ABCG1: variants seen among roughly 807,000 people sequenced by gnomAD.
ABCG1 encodes the protein ATP binding cassette subfamily G member 1, also known as ATP-binding cassette sub-family G member 1.
ABCG1 carries 29 observed loss-of-function variants against 69.2 expected under a neutral mutation model. The observed-to-expected ratio is 0.42, with a 90% CI of 0.31 to 0.57. ABCG1 has a LOEUF of 0.57. Among genes scored for constraint, ABCG1 ranks in the 20% least tolerant of loss-of-function variants. ABCG1 has a pLI of 0.15. For synonymous variants in ABCG1, 370 were observed against 374.8 expected (o/e 0.99, Z 0.15); for missense variants, 718 against 898.1 (o/e 0.80, Z 2.56).
At chr21:42,218,405 G>A (rs1338479044), upstream of ABCG1, among the ~76,000 whole-genome samples, 3 of 142,422 alleles carry the variant, frequency 2.1e-5, no homozygotes, top group Non-Finnish European at 4.4e-5. Flanking sequence ...GTGTGCCCTG[G>A]TGTTATTCCT....
chr21:42,202,637 G>C (rs1479174055), intron 2 of ABCG1, among the ~76,000 whole-genome samples: 1 of 149,482 alleles, frequency 6.7e-6, no homozygotes, highest in Non-Finnish European at 1.5e-5. Context: ...TTTGAGACAA[G>C]GTCTCGCTCT....
At chr21:42,274,147 C>T (rs2068667377) in intron 4 of ABCG1, among the ~76,000 whole-genome samples, 1 of 152,208 alleles carries the variant, frequency 6.6e-6, no homozygotes, top group African/African-American at 2.4e-5. Flanking sequence ...GCCTCAGTGT[C>T]CTCATCTGCA....
At position 42,225,663 on chromosome 21, in the gene ABCG1, T is replaced by A; in HGVS notation, c.43-8T>A. On this transcript the variant is annotated splice_region_variant and splice_polypyrimidine_tract_variant and intron_variant, in intron 1 of 14. Transcript: ENST00000398449. ...AACAGGTCTTGTTGCTTCCTCTGGT[T>A]TTTCTAGAATGCCAGCAGTTACTCT... The A allele has an allele frequency of 6.2e-7, 1 of 1,612,010 alleles. No individual in the cohort carries two copies. Among genetic ancestry groups the A allele is most frequent in the Non-Finnish European group, 8.5e-7 (1 of 1,179,574 alleles).
intron 2 of ABCG1, among the ~76,000 whole-genome samples, chr21:42,257,360 C>T (rs1332560336): frequency 1.3e-5 from 2 of 152,230 alleles, no homozygotes; most frequent in Non-Finnish European, 2.9e-5. Context: ...GCACCCGCAG[C>T]CTCTGCAGCA....
At chr21:42,202,994 G>A (rs2067518581) in intron 2 of ABCG1, among the ~76,000 whole-genome samples, 1 of 152,144 alleles carries the variant, frequency 6.6e-6, no homozygotes, top group African/African-American at 2.4e-5. Context: ...GAACAGAATA[G>A]AAAACCCAGA....
intron 10 of ABCG1, 47 bp from the exon 11 acceptor site, chr21:42,290,003 A>G (rs371327756): frequency 1.9e-6 from 3 of 1,612,874 alleles, no homozygotes; most frequent in African/African-American, 1.3e-5. Context: ...CTCTGAGCCG[A>G]GGACGGCTTT....
intron 3 of ABCG1, among the ~76,000 whole-genome samples, chr21:42,272,972 C>T (rs978268653): frequency 3.3e-5 from 5 of 152,226 alleles, no homozygotes; most frequent in South Asian, 2.1e-4. Context: ...CCTGACCTCG[C>T]GGCTGCTTAT....
At chr21:42,259,195 T>C in intron 2 of ABCG1, 1 of 1,415,902 alleles carries the variant, frequency 7.1e-7, no homozygotes, top group Non-Finnish European at 9.2e-7. Flanking sequence ...GACATTGCGT[T>C]CCCAGATGTC....
chr21:42,290,015 C>A, intron 10 of ABCG1, 35 bp from the exon 11 acceptor site: 1 of 1,614,006 alleles, frequency 6.2e-7, no homozygotes, highest in South Asian at 1.1e-5. Context: ...GACGGCTTTG[C>A]GAACGCACTG....
At chr21:42,212,882 AT>A (rs1363612630), upstream of ABCG1, among the ~76,000 whole-genome samples, 1 of 152,028 alleles carries the variant, frequency 6.6e-6, no homozygotes, top group Non-Finnish European at 1.5e-5. Context: ...TTTAGTAGAG[AT>A]GGGGTTTCAC....
At chr21:42,212,351 A>G (rs1356730847), upstream of ABCG1, among the ~76,000 whole-genome samples, 4 of 152,096 alleles carry the variant, frequency 2.6e-5, no homozygotes, top group Non-Finnish European at 4.4e-5. Flanking sequence ...AGTGGACATA[A>G]AGGGTGATCC....
chr21:42,249,161 A>G (rs2068181397), intron 2 of ABCG1, among the ~76,000 whole-genome samples: 3 of 152,344 alleles, frequency 2.0e-5, no homozygotes, highest in South Asian at 4.1e-4. Context: ...GAGAAAAACA[A>G]GGATGTAATA....
At chr21:42,290,282 G>A (rs947190480) in intron 11 of ABCG1, 64 bp downstream of exon 11, 2 of 1,553,206 alleles carry the variant, frequency 1.3e-6, no homozygotes, top group South Asian at 2.4e-5. Flanking sequence ...ATGGGGGCCT[G>A]AAGTCACGCC....
intron 2 of ABCG1, among the ~76,000 whole-genome samples, chr21:42,260,790 C>T (rs1386265851): frequency 6.6e-6 from 1 of 152,084 alleles, no homozygotes; most frequent in Non-Finnish European, 1.5e-5. Flanking sequence ...CACTTTTCCC[C>T]ACAGCCCCAC....
upstream of ABCG1, among the ~76,000 whole-genome samples, chr21:42,212,373 G>A (rs551076947): frequency 6.6e-6 from 1 of 152,320 alleles, no homozygotes; most frequent in African/African-American, 2.4e-5. Flanking sequence ...AGTGAGGGCT[G>A]AGAAGAAGAC....
At chr21:42,253,109 C>G (rs577595810) in intron 2 of ABCG1, among the ~76,000 whole-genome samples, 43 of 152,312 alleles carry the variant, frequency 2.8e-4, no homozygotes, top group African/African-American at 9.9e-4. Context: ...GATCCAGATG[C>G]TAGCCTTGGA....
rs1253518002 is a variant in ABCG1 at position 42,287,007 on chromosome 21, TGG to T, written c.974-881_974-880del. Among the ~76,000 whole-genome samples, 1 of 152,122 alleles carries T rather than the reference TGG, an allele frequency of 6.6e-6. No individual in the cohort carries two copies. The highest frequency in any genetic ancestry group is 2.4e-5 in the African/African-American group (1 of 41,432). The stretch of plus-strand genomic sequence containing the variant: ...TTGTGGCTTCATCTAGGAGGTGTGG[TGG>T]CCTCCGTACCAGCTGGGAGGAAGCG... On this transcript the variant is annotated intron_variant, in intron 8 of 14. Transcript: ENST00000398449. The surrounding 1 kb of genome is among the most constrained non-coding windows in gnomAD (Gnocchi z 6.2).
Position 42,287,867 on chromosome 21 carries a change from C to T in ABCG1, c.974-22C>T, listed in dbSNP as rs1393101617. The T allele has an allele frequency of 1.3e-6, 2 of 1,540,226 alleles. No homozygotes were observed. The highest frequency in any genetic ancestry group is 1.8e-6 in the Non-Finnish European group (2 of 1,141,378). ...GTGTCCTTCCTGGAGCCCGGGCTGA[C>T]CCCCGTCTGTGTCTCCTGCAGTCAT... On this transcript the variant is annotated intron_variant, in intron 8 of 14. Coordinates refer to ENST00000398449, the MANE Select transcript of ABCG1 (RefSeq NM_016818.3). The surrounding 1 kb of genome is among the most constrained non-coding windows in gnomAD (Gnocchi z 6.2).
intron 2 of ABCG1, among the ~76,000 whole-genome samples, chr21:42,208,726 GATA>G (rs1158868490): frequency 1.3e-5 from 2 of 152,168 alleles, no homozygotes; most frequent in Non-Finnish European, 2.9e-5. Context: ...AATTTACTGA[GATA>G]ATTTATGATG....
Sources: allele counts gnomAD v4.1 joint callset (sites outside exome capture counted in the v4.1 genomes callset), GRCh38; gene constraint gnomAD v4.1.1; non-coding constraint Gnocchi (gnomAD v3.1); transcripts MANE v1.5; gene names NCBI Gene and HGNC (gene_info 2026-07-23, HGNC 2026-07-21).